Variants in GRIN2B observed in about 807,000 individuals in gnomAD.
GRIN2B encodes the protein glutamate receptor ionotropic, NMDA 2B.
GRIN2B carries 5 observed loss-of-function variants against 114.5 expected under a neutral mutation model. The observed-to-expected ratio is 0.04, with a 90% confidence interval of 0.02 to 0.09. The LOEUF (loss-of-function observed/expected upper bound fraction) is 0.09. Among genes scored for constraint, GRIN2B ranks in the 10% least tolerant of loss-of-function variants. The probability of loss-of-function intolerance (pLI) is 1.00; values close to 1 mark genes in which losing one functional copy is unlikely to be tolerated. For missense variants in GRIN2B, 1,108 were observed against 1,943.5 expected (o/e 0.57, Z 8.08); for synonymous variants, 787 against 745.1 (o/e 1.06, Z -0.92).
chr12:13,567,695 A>T (rs150814221), intron 12 of GRIN2B, among the ~76,000 whole-genome samples: 2 of 152,100 alleles, frequency 1.3e-5, no homozygotes, highest in African/African-American at 4.8e-5. Context: ...TGGATGGATG[A>T]ATTTTAATTT....
chr12:13,753,811 G>A lies in GRIN2B; in HGVS notation c.516C>T (p.Val172=), dbSNP rs1161129472. ...CCTGGTAGCCAGGGAAATAGGTGGT[G>A]ACGATAGAAAAGATGTACCAGTCAT... ...EEYDWYIFSI[V]TTYFPGYQDF... The change falls in exon 4 of 14, where the codon GTC becomes GTT. Residue 172 remains valine, a synonymous_variant. Coordinates refer to ENST00000609686, the MANE Select transcript of GRIN2B (RefSeq NM_000834.5). This position sits in a 1 kb window ranked among gnomAD's most constrained non-coding sequence, Gnocchi z 6.2. 1 of 1,613,448 alleles carries A rather than the reference G, an allele frequency of 6.2e-7. No individual in the cohort carries two copies. Among genetic ancestry groups the A allele is most frequent in the Non-Finnish European group, 8.5e-7 (1 of 1,179,508 alleles).
intron 3 of GRIN2B, among the ~76,000 whole-genome samples, chr12:13,784,369 A>G (rs2136658477): frequency 6.6e-6 from 1 of 152,174 alleles, no homozygotes; most frequent in Middle Eastern, 3.4e-3. Flanking sequence ...GCAAGTGCTG[A>G]ATAAGTATTT....
At chr12:13,953,498 T>G (rs1460663653) in intron 2 of GRIN2B, among the ~76,000 whole-genome samples, 1 of 152,204 alleles carries the variant, frequency 6.6e-6, no homozygotes, top group African/African-American at 2.4e-5. Context: ...TGCTCTTTAT[T>G]GCAGAGAGCA....
intron 3 of GRIN2B, among the ~76,000 whole-genome samples, chr12:13,774,107 G>T (rs1467628295): frequency 6.6e-6 from 1 of 152,200 alleles, no homozygotes; most frequent in Non-Finnish European, 1.5e-5. Context: ...GTGGATACTA[G>T]AGAGAACTTC....
intron 4 of GRIN2B, among the ~76,000 whole-genome samples, chr12:13,735,849 T>A (rs921959598): frequency 6.6e-6 from 1 of 151,970 alleles, no homozygotes; most frequent in Non-Finnish European, 1.5e-5. Flanking sequence ...CAACCGAGTG[T>A]GGAGAAGTAG....
intron 2 of GRIN2B, among the ~76,000 whole-genome samples, chr12:13,967,918 G>C (rs1021704403): frequency 6.6e-6 from 1 of 152,176 alleles, no homozygotes; most frequent in South Asian, 2.1e-4. Context: ...CCTTGCCCCT[G>C]CCTGTGTCAC....
chr12:13,910,385 C>T (rs554969435), intron 2 of GRIN2B, among the ~76,000 whole-genome samples: 1 of 152,272 alleles, frequency 6.6e-6, no homozygotes, highest in South Asian at 2.1e-4. Context: ...AAAATGGACC[C>T]ACACTTGCCT....
At chr12:13,939,466 C>T (rs753927037) in intron 2 of GRIN2B, among the ~76,000 whole-genome samples, 1 of 151,348 alleles carries the variant, frequency 6.6e-6, no homozygotes, top group African/African-American at 2.4e-5. Context: ...ACATAACACG[C>T]CTGTTTCCCC....
At chr12:13,584,863 GCTC>G (rs1948898551) in intron 10 of GRIN2B, among the ~76,000 whole-genome samples, 1 of 152,182 alleles carries the variant, frequency 6.6e-6, no homozygotes, top group Non-Finnish European at 1.5e-5. Context: ...CCTTCGTTGA[GCTC>G]CTTCAACCTA....
chr12:13,853,829 A>G (rs1487200426), intron 3 of GRIN2B, among the ~76,000 whole-genome samples: 1 of 152,218 alleles, frequency 6.6e-6, no homozygotes, highest in African/African-American at 2.4e-5. Context: ...TGCAACTGAC[A>G]TTTGCTGCCC....
intron 2 of GRIN2B, among the ~76,000 whole-genome samples, chr12:13,909,300 C>T (rs183909395): frequency 6.6e-6 from 1 of 152,316 alleles, no homozygotes; most frequent in Non-Finnish European, 1.5e-5. Flanking sequence ...TGAACACTAC[C>T]ATTCATGAGA....
chr12:13,907,570 G>T (rs1229339872), intron 2 of GRIN2B, among the ~76,000 whole-genome samples: 1 of 152,062 alleles, frequency 6.6e-6, no homozygotes, highest in Non-Finnish European at 1.5e-5. Flanking sequence ...TCAAGAACAG[G>T]CAAAATTTAT....
At position 13,552,055 on chromosome 12, in the gene GRIN2B, C is replaced by T. The variant is rs10734869; in HGVS notation, c.*10728G>A. On this transcript the variant is annotated 3_prime_UTR_variant, in exon 14 of 14. Transcript: ENST00000609686. ...TCAACAAATTCGCATTCCTGTGGCC[C>T]CTTCCCCTGATGCTGTTCTCCTGTC... 0.7 allele frequency: 105,913 copies of T among 152,080 alleles called. 40,535 individuals are homozygous for T. Among genetic ancestry groups the T allele is most frequent in the East Asian group, 0.9 (4,665 of 5,162 alleles). The allele number at this position is 152,080 out of a possible 1,614,324, so 9.4% of individuals were successfully genotyped here. A position where few individuals can be genotyped will look rare whatever the true frequency, so the allele number is the denominator to read the frequency against.
intron 4 of GRIN2B, among the ~76,000 whole-genome samples, chr12:13,742,696 G>C (rs1422287923): frequency 6.6e-6 from 1 of 152,188 alleles, no homozygotes; most frequent in Non-Finnish European, 1.5e-5. Context: ...CTCCCAAAGT[G>C]CTGGGATTAT....
In GRIN2B at chr12:13,891,622, GAA is replaced by G. The variant is rs35573365; in HGVS notation, c.-18-25398_-18-25397del. On this transcript the variant is annotated intron_variant, in intron 2 of 13. Coordinates refer to ENST00000609686, the MANE Select transcript of GRIN2B (RefSeq NM_000834.5). ...AATGTGGCCACACAACCTTTCTAAT[GAA>G]AAAAAAAATGCAGTTTACAAAGCTT... 9.3e-5 allele frequency among the ~76,000 whole-genome samples: 14 copies of G among 151,280 alleles called. No individual in the cohort carries two copies. The East Asian group carries it at 2.5e-3, about 27-fold the overall frequency.
At chr12:13,732,930 G>C (rs1252829134) in intron 4 of GRIN2B, among the ~76,000 whole-genome samples, 1 of 152,152 alleles carries the variant, frequency 6.6e-6, no homozygotes, top group African/African-American at 2.4e-5. Flanking sequence ...AAAGTGCTAA[G>C]CATTAAACTG....
chr12:13,692,760 C>CTTTCTTTTTTTTTTTTTTTTTTTTT lies in GRIN2B; in HGVS notation c.1011-16902_1011-16901insAAAAAAAAAAAAAAAAAAAAAGAAA, dbSNP rs1427827056. Among the ~76,000 whole-genome samples the CTTTCTTTTTTTTTTTTTTTTTTTTT allele has an allele frequency of 1.7e-3, 91 of 52,092 alleles. 15 individuals are homozygous for CTTTCTTTTTTTTTTTTTTTTTTTTT. The highest frequency in any genetic ancestry group is 3.2e-3 in the African/African-American group (34 of 10,542). The allele number at this position is 52,092 out of a possible 152,430, so 34.2% of individuals were successfully genotyped here. On this transcript the variant is annotated intron_variant, in intron 4 of 13. Transcript: ENST00000609686. ...ACTTATTTTCATTAATCTTTCTTTTCTTTTTTTTTTTTTTTTTTTTTTTTT... is the reference window on the plus strand; with the variant it reads ...ACTTATTTTCATTAATCTTTCTTTTCTTTCTTTTTTTTTTTTTTTTTTTTTTTTTTTTTTTTTTTTTTTTTTTTTT...
chr12:13,818,850 G>C (rs575786959), intron 3 of GRIN2B, among the ~76,000 whole-genome samples: 1 of 152,230 alleles, frequency 6.6e-6, no homozygotes, highest in African/African-American at 2.4e-5. Context: ...CATCATACAG[G>C]GGTCTCTTTC....
chr12:13,817,859 C>G (rs1864858344), intron 3 of GRIN2B, among the ~76,000 whole-genome samples: 1 of 152,098 alleles, frequency 6.6e-6, no homozygotes, highest in Non-Finnish European at 1.5e-5. Context: ...TTGCTGAGTA[C>G]TGTGAAATGG....
Sources: allele counts gnomAD v4.1 joint callset (sites outside exome capture counted in the v4.1 genomes callset), GRCh38; gene constraint gnomAD v4.1.1; non-coding constraint Gnocchi (gnomAD v3.1); transcripts MANE v1.5; gene names NCBI Gene and HGNC (gene_info 2026-07-23, HGNC 2026-07-21).